The following PPIL3 variants were observed in gnomAD, a reference collection of about 807,000 sequenced individuals.
PPIL3 encodes the protein peptidylprolyl isomerase like 3.
Under a neutral mutation model 20.9 loss-of-function variants are expected in PPIL3, and 13 were observed. That is an observed-to-expected ratio of 0.62 (90% CI 0.40 to 0.99). PPIL3 has a LOEUF of 0.99. PPIL3 is among the 50% of genes least tolerant of loss of function. PPIL3 has a pLI of 0.00. For synonymous variants in PPIL3, 71 were observed against 64.4 expected, an observed-to-expected ratio of 1.10 and a Z score of -0.49; for missense variants, 170 against 195.2, an observed-to-expected ratio of 0.87 and a Z score of 0.77.
intron 5 of PPIL3, among the ~76,000 whole-genome samples, chr2:200,877,991 A>G (rs2039585289): frequency 6.6e-6 from 1 of 152,242 alleles, no homozygotes; most frequent in African/African-American, 2.4e-5. Context: ...CCTGTAATAC[A>G]CTACAACTCC....
At chr2:200,876,168 C>T (rs1322240705) in intron 6 of PPIL3, among the ~76,000 whole-genome samples, 1 of 147,176 alleles carries the variant, frequency 6.8e-6, no homozygotes, top group Non-Finnish European at 1.5e-5. Context: ...AAAGTAGCTG[C>T]GCATGATGGT....
At chr2:200,882,554 C>T in intron 3 of PPIL3, 119 bp from the exon 4 acceptor site, 1 of 709,606 alleles carries the variant, frequency 1.4e-6, no homozygotes, top group Non-Finnish European at 2.5e-6. Context: ...GTTGTCATTA[C>T]TTTGGATGTC....
At chr2:200,888,852 C>T in intron 1 of PPIL3, 104 bp downstream of exon 1, 1 of 456,928 alleles carries the variant, frequency 2.2e-6, no homozygotes. Context: ...AGCCTCGCCG[C>T]CCACTGTTCA....
chr2:200,873,343 C>G (rs1049811506), intron 6 of PPIL3, among the ~76,000 whole-genome samples: 1 of 151,938 alleles, frequency 6.6e-6, no homozygotes, highest in African/African-American at 2.4e-5. Flanking sequence ...GCACATGCCC[C>G]CATGCCCAGC....
At chr2:200,889,112 A>G (rs1221078986), upstream of PPIL3, 1 of 463,386 alleles carries the variant, frequency 2.2e-6, no homozygotes. Context: ...TTACCGCCTC[A>G]CCTCCTTCCT....
chr2:200,871,954 T>A (rs1171299522), intron 6 of PPIL3, among the ~76,000 whole-genome samples: 1 of 152,210 alleles, frequency 6.6e-6, no homozygotes, highest in East Asian at 1.9e-4. Context: ...TTTATTTAAT[T>A]TTTTAAAGAC....
intron 1 of PPIL3, 120 bp from the exon 2 acceptor site, chr2:200,887,805 C>G (rs994324652): frequency 2.3e-6 from 1 of 426,374 alleles, no homozygotes; most frequent in African/African-American, 2.0e-5. Context: ...GCCTATAATC[C>G]TAACACTTTG....
chr2:200,884,700 A>G (rs2039863991), intron 3 of PPIL3, among the ~76,000 whole-genome samples: 1 of 151,916 alleles, frequency 6.6e-6, no homozygotes, highest in Admixed American at 6.6e-5. Context: ...TGATTGCACC[A>G]CTGCACTCCA....
At chr2:200,877,303 A>G (rs1045131132) in intron 5 of PPIL3, among the ~76,000 whole-genome samples, 2 of 152,220 alleles carry the variant, frequency 1.3e-5, no homozygotes, top group Non-Finnish European at 2.9e-5. Context: ...GGGAGCAAGA[A>G]AACATTTAAC....
intron 6 of PPIL3, among the ~76,000 whole-genome samples, chr2:200,875,548 G>A (rs1244685837): frequency 2.6e-5 from 4 of 151,822 alleles, no homozygotes; most frequent in Non-Finnish European, 5.9e-5. Context: ...TTACAGGTGT[G>A]AGCCACCGCA....
chr2:200,888,687 G>C, intron 1 of PPIL3: 1 of 310,022 alleles, frequency 3.2e-6, no homozygotes, highest in South Asian at 2.6e-5. Context: ...TACCATGCAC[G>C]ACTAATTTTT....
Position 200,888,977 on chromosome 2 carries a change from A to C in PPIL3, c.-92T>G, listed in dbSNP as rs2040091472. The C allele has an allele frequency of 6.4e-6, 3 of 471,134 alleles. No homozygotes were observed. Among genetic ancestry groups the C allele is most frequent in the Non-Finnish European group, 1.3e-5 (3 of 227,086 alleles). The allele number at this position is 471,134 out of a possible 1,614,324, so 29.2% of individuals were successfully genotyped here. ...ATACTTGGGCTTCACCACTTCGTCT[A>C]GCACAGCCGTTGTTAAAACAGGAAA... On this transcript the variant is annotated 5_prime_UTR_variant, in exon 1 of 7. Coordinates refer to ENST00000392283, the MANE Select transcript of PPIL3 (RefSeq NM_130906.3).
intron 2 of PPIL3, chr2:200,886,984 T>C (rs2039958895): frequency 6.6e-6 from 1 of 152,242 alleles, no homozygotes; most frequent in African/African-American, 2.4e-5. Context: ...ACTTTAGATC[T>C]AGAGCAAAAT....
intron 2 of PPIL3, chr2:200,886,986 G>A (rs540981604): frequency 1.3e-5 from 2 of 152,328 alleles, no homozygotes; most frequent in South Asian, 4.1e-4. Context: ...TTTAGATCTA[G>A]AGCAAAATAA....
intron 6 of PPIL3, among the ~76,000 whole-genome samples, chr2:200,873,014 G>A (rs1355974302): frequency 2.6e-5 from 4 of 151,834 alleles, no homozygotes; most frequent in African/African-American, 9.7e-5. Context: ...TGGGATTATA[G>A]GAGCCTACCA....
intron 3 of PPIL3, among the ~76,000 whole-genome samples, chr2:200,882,869 C>T (rs1214915370): frequency 1.3e-5 from 2 of 148,596 alleles, no homozygotes. Flanking sequence ...CACTGCACTC[C>T]AGCCCGGGCG....
chr2:200,871,892 C>T (rs1384525239), intron 6 of PPIL3, among the ~76,000 whole-genome samples: 1 of 152,130 alleles, frequency 6.6e-6, no homozygotes, highest in African/African-American at 2.4e-5. Flanking sequence ...TGTGGGTTTT[C>T]CCAGTTCTCC....
rs201896678 is a variant in PPIL3 at position 200,871,456 on chromosome 2, C to T, written c.425G>A (p.Arg142Gln). 128 of 1,609,554 alleles carry T rather than the reference C, an allele frequency of 8.0e-5. No individual in the cohort carries two copies. In the Middle Eastern group the frequency reaches 9.9e-4, roughly 12 times the overall value. Residue 142 changes from arginine (R) to glutamine (Q), a missense_variant, in exon 7 of 7, where the codon CGA (arginine) becomes CAA (glutamine). By Grantham distance (43) the Arg-to-Gln change is conservative. Transcript: ENST00000392283. The part of the protein sequence containing the change: ...EKLPVNEKTY[R>Q]PLNDVHIKDI... ...CTTAATGTGTACATCATTAAGAGGT[C>T]GGTATGTCTTCTCATTTACTGGCAA...
chr2:200,888,933 G>T (rs1024428607), intron 1 of PPIL3, 23 bp downstream of exon 1: 7 of 471,056 alleles, frequency 1.5e-5, no homozygotes, highest in African/African-American at 6.0e-5. Context: ...GTGAATGAAA[G>T]AATTAATGAC....
Sources: gnomAD v4.1 joint callset for allele counts (sites outside exome capture counted in the v4.1 genomes callset) on GRCh38, gnomAD v4.1.1 for gene constraint, MANE v1.5 for transcripts, NCBI Gene and HGNC (gene_info 2026-07-23, HGNC 2026-07-21) for gene names.